The following NREP variants were observed in gnomAD, a reference collection of about 807,000 sequenced individuals.
NREP encodes the protein neuronal regeneration related protein.
NREP carries 5 observed loss-of-function variants against 8.6 expected under a neutral mutation model. The ratio of observed to expected loss-of-function variants is 0.58; its 90% CI spans 0.30 to 1.22. NREP has a LOEUF of 1.22. NREP is among the 50% of genes most tolerant of loss of function. The pLI is 0.07. For missense variants in NREP, 86 were observed against 82.5 expected, an observed-to-expected ratio of 1.04 and a Z score of -0.17; for synonymous variants, 27 against 28.0, an observed-to-expected ratio of 0.96 and a Z score of 0.11.
intron 2 of NREP, among the ~76,000 whole-genome samples, chr5:111,834,647 A>G (rs900600876): frequency 6.6e-6 from 1 of 152,142 alleles, no homozygotes; most frequent in Non-Finnish European, 1.5e-5. Flanking sequence ...GTAGGGTGAA[A>G]TATTATGAAA....
intron 2 of NREP, among the ~76,000 whole-genome samples, chr5:111,880,890 G>A (rs552788074): frequency 2.3e-3 from 341 of 151,110 alleles, no homozygotes; most frequent in South Asian, 5.6e-3. Context: ...AGCTCCCAGC[G>A]TGAGCAACGC....
At chr5:111,903,710 A>G (rs1407698081) in intron 2 of NREP, among the ~76,000 whole-genome samples, 2 of 152,120 alleles carry the variant, frequency 1.3e-5, no homozygotes, top group Non-Finnish European at 2.9e-5. Flanking sequence ...AAGGGGCAAC[A>G]TTTTAAATAA....
intron 2 of NREP, among the ~76,000 whole-genome samples, chr5:111,831,972 G>A (rs1752779434): frequency 1.3e-5 from 2 of 152,176 alleles, no homozygotes; most frequent in African/African-American, 4.8e-5. Context: ...TAGGCCAAGT[G>A]TAGGACAAAG....
chr5:111,883,535 A>G (rs923018341), intron 2 of NREP, among the ~76,000 whole-genome samples: 1 of 152,164 alleles, frequency 6.6e-6, no homozygotes, highest in African/African-American at 2.4e-5. Flanking sequence ...TTTCAGCACC[A>G]CACCACACCT....
chr5:111,909,038 T>C (rs10062983), intron 2 of NREP, among the ~76,000 whole-genome samples: 1 of 151,982 alleles, frequency 6.6e-6, no homozygotes, highest in East Asian at 1.9e-4. Flanking sequence ...TTGAGAAGTG[T>C]CTGTACATGT....
intron 2 of NREP, among the ~76,000 whole-genome samples, chr5:111,882,059 G>C (rs983912797): frequency 1.3e-5 from 2 of 152,030 alleles, no homozygotes; most frequent in Admixed American, 6.6e-5. Context: ...TCAAACCAAA[G>C]GCAAAGAAGT....
chr5:111,883,789 C>A (rs1330136656), intron 2 of NREP, among the ~76,000 whole-genome samples: 1 of 151,926 alleles, frequency 6.6e-6, no homozygotes, highest in South Asian at 2.1e-4. Context: ...AACAAAGACA[C>A]AACATACCAG....
At chr5:111,929,654 A>C (rs1374993820) in intron 2 of NREP, among the ~76,000 whole-genome samples, 1 of 152,188 alleles carries the variant, frequency 6.6e-6, no homozygotes, top group Non-Finnish European at 1.5e-5. Context: ...CCACACAGTA[A>C]CCTTTACACA....
intron 2 of NREP, among the ~76,000 whole-genome samples, chr5:111,775,464 C>T (rs1452106000): frequency 1.3e-5 from 2 of 152,084 alleles, no homozygotes; most frequent in Non-Finnish European, 2.9e-5. Flanking sequence ...ATGCAAACTG[C>T]CTTTTGCTTC....
At chr5:111,878,082 A>T (rs10478067) in intron 2 of NREP, among the ~76,000 whole-genome samples, 20,757 of 152,254 alleles carry the variant, frequency 0.14, 1,781 homozygotes, top group Non-Finnish European at 0.2. Context: ...GGACTAGACT[A>T]GAGACAGTCC....
At chr5:111,848,803 AT>A (rs1753241759) in intron 2 of NREP, among the ~76,000 whole-genome samples, 1 of 152,132 alleles carries the variant, frequency 6.6e-6, no homozygotes, top group Non-Finnish European at 1.5e-5. Context: ...TTTCTTTGCC[AT>A]TTGTCAGCAG....
chr5:111,866,487 T>C (rs896242884), intron 2 of NREP, among the ~76,000 whole-genome samples: 1 of 152,080 alleles, frequency 6.6e-6, no homozygotes, highest in Non-Finnish European at 1.5e-5. Flanking sequence ...CATTAAAAAG[T>C]CAGGAAACAA....
chr5:111,895,218 T>C (rs770987547), intron 2 of NREP, among the ~76,000 whole-genome samples: 4 of 152,178 alleles, frequency 2.6e-5, no homozygotes, highest in African/African-American at 4.8e-5. Context: ...CCTTTAGAGA[T>C]TGAGGACAGA....
At chr5:111,852,171 G>C (rs1055604935) in intron 2 of NREP, among the ~76,000 whole-genome samples, 5 of 152,170 alleles carry the variant, frequency 3.3e-5, no homozygotes, top group Non-Finnish European at 5.9e-5. Flanking sequence ...CACCTTAGGG[G>C]ATTCAGCTGT....
chr5:111,853,191 C>T (rs1023688559), intron 2 of NREP, among the ~76,000 whole-genome samples: 1 of 151,912 alleles, frequency 6.6e-6, no homozygotes, highest in African/African-American at 2.4e-5. Context: ...AAAGGCAAAA[C>T]TATATAGACA....
At chr5:111,817,344 A>G (rs1488319704) in intron 2 of NREP, among the ~76,000 whole-genome samples, 1 of 152,156 alleles carries the variant, frequency 6.6e-6, no homozygotes, top group African/African-American at 2.4e-5. Flanking sequence ...TCCTTTTCTC[A>G]TTCTCAATAC....
At chr5:111,841,233 T>A (rs77776112) in intron 2 of NREP, among the ~76,000 whole-genome samples, 2 of 152,130 alleles carry the variant, frequency 1.3e-5, no homozygotes, top group African/African-American at 4.8e-5. Context: ...ATTGTGCCCC[T>A]GAAAGCTAGA....
intron 2 of NREP, among the ~76,000 whole-genome samples, chr5:111,829,766 C>G (rs1180365203): frequency 6.6e-6 from 1 of 152,150 alleles, no homozygotes; most frequent in African/African-American, 2.4e-5. Flanking sequence ...TGTTGGATGA[C>G]AGGAGATCTA....
chr5:111,865,958 A>G (rs1753654223), intron 2 of NREP, among the ~76,000 whole-genome samples: 1 of 152,198 alleles, frequency 6.6e-6, no homozygotes, highest in Non-Finnish European at 1.5e-5. Context: ...AACTAATGCT[A>G]AAATACACGA....
Sources: gnomAD v4.1 joint callset for allele counts (sites outside exome capture counted in the v4.1 genomes callset) on GRCh38, gnomAD v4.1.1 for gene constraint, MANE v1.5 for transcripts, NCBI Gene and HGNC (gene_info 2026-07-23, HGNC 2026-07-21) for gene names.